Variants in PRDM16 observed in about 807,000 individuals in gnomAD.
PRDM16 encodes the protein PR/SET domain 16, also known as histone-lysine N-methyltransferase PRDM16.
A neutral mutation model predicts 110.6 loss-of-function variants in PRDM16; 23 were observed. The observed-to-expected ratio is 0.21, with a 90% CI of 0.15 to 0.29. The LOEUF (loss-of-function observed/expected upper bound fraction) is 0.29. Ranked by LOEUF, PRDM16 falls within the 10% of genes least tolerant of loss-of-function variation. The pLI is 1.00. For missense variants in PRDM16, 1,615 were observed against 1,794.3 expected, an observed-to-expected ratio of 0.90 and a Z score of 1.81; for synonymous variants, 799 against 781.8, an observed-to-expected ratio of 1.02 and a Z score of -0.37.
intron 3 of PRDM16, among the ~76,000 whole-genome samples, chr1:3,333,202 G>A (rs1642078779): frequency 6.6e-6 from 1 of 152,182 alleles, no homozygotes; most frequent in Non-Finnish European, 1.5e-5. Context: ...TGGAGAGGTG[G>A]GTGCCTGTCC....
At chr1:3,414,516 CGGGCGGCTCGGTGGGGT>C (rs1557663534) in intron 9 of PRDM16, 27 bp from the exon 10 acceptor site, 1 of 1,480,250 alleles carries the variant, frequency 6.8e-7, no homozygotes, top group Admixed American at 1.8e-5. Flanking sequence ...CTCGGCGGGG[CGGGCGGCTCGGTGGGGT>C]ACGTAACCCT....
At chr1:3,254,304 G>C (rs1274992219) in intron 3 of PRDM16, among the ~76,000 whole-genome samples, 6 of 152,124 alleles carry the variant, frequency 3.9e-5, no homozygotes, top group Non-Finnish European at 7.3e-5. Context: ...TGGAAGTTCT[G>C]GCCAGGGCAG....
In PRDM16 at chr1:3,080,499, C is replaced by A. The variant is rs1461642556; in HGVS notation, c.37+11203C>A. On this transcript the variant is annotated intron_variant, in intron 1 of 16. Coordinates refer to ENST00000270722, the MANE Select transcript of PRDM16 (RefSeq NM_022114.4). The surrounding 1 kb of genome is among the most constrained non-coding windows in gnomAD (Gnocchi z 5.2). The stretch of plus-strand genomic sequence containing the variant: ...TCACATTGGCAGGAGGAAAAGCTAT[C>A]AGAGACAGATCGATTTTTCCCTGGA... Among the ~76,000 whole-genome samples, 2 of 152,180 alleles carry A rather than the reference C, an allele frequency of 1.3e-5. No homozygotes were observed. Among genetic ancestry groups the A allele is most frequent in the Non-Finnish European group, 2.9e-5 (2 of 68,034 alleles).
In PRDM16 at chr1:3,238,797, G is replaced by A. The variant is rs80283440; in HGVS notation, c.388-5290G>A. Reference sequence around the variant, plus strand: ...CTTCTTCCTGCCGAGGCATCCACCCGGAGGCCTCTGTCCTGCCGGAGCACA... The same window carrying A: ...CTTCTTCCTGCCGAGGCATCCACCCAGAGGCCTCTGTCCTGCCGGAGCACA... On this transcript the variant is annotated intron_variant, in intron 2 of 16. Coordinates refer to ENST00000270722, the MANE Select transcript of PRDM16 (RefSeq NM_022114.4). Among the ~76,000 whole-genome samples the A allele has an allele frequency of 3.0e-3, 461 of 152,330 alleles. 5 individuals carry two copies. The highest frequency in any genetic ancestry group is 0.029 in the East Asian group (152 of 5,176).
At chr1:3,164,014 G>A (rs1003260203) in intron 1 of PRDM16, among the ~76,000 whole-genome samples, 2 of 152,254 alleles carry the variant, frequency 1.3e-5, no homozygotes, top group African/African-American at 4.8e-5. Context: ...CTGCTGGAAT[G>A]TTCCCTGATC....
chr1:3,084,373 A>T (rs969290076), intron 1 of PRDM16, among the ~76,000 whole-genome samples: 2 of 152,166 alleles, frequency 1.3e-5, no homozygotes, highest in African/African-American at 4.8e-5. Context: ...CAGGGAACAC[A>T]GTGCTGATGG....
At position 3,386,142 on chromosome 1, in the gene PRDM16, T is replaced by TCGGGGTGCCCGGGGTGCCCGGGGTGCC. The variant is rs150469329; in HGVS notation, c.573+880_573+881insGCCCGGGGTGCCCGGGGTGCCCGGGGT. The stretch of plus-strand genomic sequence containing the variant: ...CTGCATCCTGAACACCGTGCGTTCC[T>TCGGGGTGCCCGGGGTGCCCGGGGTGCC]CGGGGTGCCCGGGGTGCCCGGGGTC... On this transcript the variant is annotated intron_variant, in intron 4 of 16. Coordinates refer to ENST00000270722, the MANE Select transcript of PRDM16 (RefSeq NM_022114.4). Among the ~76,000 whole-genome samples the TCGGGGTGCCCGGGGTGCCCGGGGTGCC allele has an allele frequency of 3.3e-5, 5 of 151,490 alleles. No individual in the cohort carries two copies. The South Asian group carries it at 8.4e-4, about 25-fold the overall frequency.
At chr1:3,394,248 G>T (rs1361298267) in intron 4 of PRDM16, among the ~76,000 whole-genome samples, 3 of 152,028 alleles carry the variant, frequency 2.0e-5, no homozygotes, top group African/African-American at 7.2e-5. Flanking sequence ...AGTCCGGGCG[G>T]CGTCCTGGGA....
At chr1:3,202,756 CGGCTCA>C (rs1446770691) in intron 2 of PRDM16, among the ~76,000 whole-genome samples, 6 of 152,184 alleles carry the variant, frequency 3.9e-5, no homozygotes, top group African/African-American at 1.2e-4. Context: ...AAGAGGAGGA[CGGCTCA>C]GGCTCAGGCT....
chr1:3,107,528 G>A (rs1009140308), intron 1 of PRDM16, among the ~76,000 whole-genome samples: 1 of 152,178 alleles, frequency 6.6e-6, no homozygotes, highest in Non-Finnish European at 1.5e-5. Context: ...GGGAGCCTGC[G>A]GATCTCCTTA....
chr1:3,274,630 C>G (rs867290852), intron 3 of PRDM16, among the ~76,000 whole-genome samples: 4 of 152,366 alleles, frequency 2.6e-5, no homozygotes, highest in Admixed American at 1.3e-4. Flanking sequence ...ACCTGCCTTC[C>G]AGGCTCTGTC....
chr1:3,090,783 T>C (rs1408388759), intron 1 of PRDM16, among the ~76,000 whole-genome samples: 2 of 152,358 alleles, frequency 1.3e-5, no homozygotes, highest in East Asian at 3.9e-4. Flanking sequence ...CATTGGCCCC[T>C]GAAGCCCATG....
Position 3,401,698 on chromosome 1 carries a change from C to T in PRDM16, c.677-1093C>T, listed in dbSNP as rs547651302. Among the ~76,000 whole-genome samples, 16 of 152,294 alleles carry T rather than the reference C, an allele frequency of 1.1e-4. No homozygotes were observed. The East Asian group carries it at 1.5e-3, about 15-fold the overall frequency. On this transcript the variant is annotated intron_variant, in intron 5 of 16. Coordinates refer to ENST00000270722, the MANE Select transcript of PRDM16 (RefSeq NM_022114.4). ...CACACAACATAGCCACCCATGCGCA[C>T]GAACATATATGTATAATATGCACGT... is the stretch of plus-strand genomic sequence containing the variant.
chr1:3,211,524 C>G (rs556607481), intron 2 of PRDM16, among the ~76,000 whole-genome samples: 46 of 152,180 alleles, frequency 3.0e-4, no homozygotes, highest in Middle Eastern at 3.2e-3. Context: ...GCAGCAGATT[C>G]GTGTCTTGAA....
At chr1:3,384,363 T>A (rs1569636057) in intron 3 of PRDM16, among the ~76,000 whole-genome samples, 1 of 151,862 alleles carries the variant, frequency 6.6e-6, no homozygotes, top group Non-Finnish European at 1.5e-5. Context: ...CTGGCCAGAG[T>A]GGGGGAGGCT....
intron 3 of PRDM16, among the ~76,000 whole-genome samples, chr1:3,331,035 A>T (rs1319801171): frequency 6.6e-6 from 1 of 152,236 alleles, no homozygotes; most frequent in Non-Finnish European, 1.5e-5. Flanking sequence ...AGGCCCCGCT[A>T]AACCCCACAT....
chr1:3,286,773 C>T (rs1640853507), intron 3 of PRDM16, among the ~76,000 whole-genome samples: 1 of 152,226 alleles, frequency 6.6e-6, no homozygotes, highest in Non-Finnish European at 1.5e-5. Context: ...GCAAGCCTCA[C>T]TCGGGGAAAC....
intron 4 of PRDM16, among the ~76,000 whole-genome samples, chr1:3,385,976 G>A (rs909446082): frequency 1.8e-4 from 27 of 152,328 alleles, no homozygotes; most frequent in Admixed American, 1.3e-3. Flanking sequence ...GGGAGAAGAC[G>A]CGGAGTCTCC....
intron 3 of PRDM16, among the ~76,000 whole-genome samples, chr1:3,291,304 C>T (rs993322756): frequency 5.9e-5 from 9 of 152,292 alleles, no homozygotes; most frequent in South Asian, 4.1e-4. Context: ...CACACACCTG[C>T]GCTCACAGTG....
Sources: allele counts gnomAD v4.1 joint callset (sites outside exome capture counted in the v4.1 genomes callset), GRCh38; gene constraint gnomAD v4.1.1; non-coding constraint Gnocchi (gnomAD v3.1); transcripts MANE v1.5; gene names NCBI Gene and HGNC (gene_info 2026-07-23, HGNC 2026-07-21).